CSMD3: variants seen among roughly 807,000 people sequenced by gnomAD.
The protein encoded by CSMD3 is CUB and sushi domain-containing protein 3.
In CSMD3, 177 loss-of-function variants were observed where a neutral mutation model predicts 435.2. The observed-to-expected ratio is 0.41, with a 90% confidence interval of 0.36 to 0.46. The LOEUF (loss-of-function observed/expected upper bound fraction) is 0.46, where lower values mean the gene tolerates loss of function less well. Among genes scored for constraint, CSMD3 ranks in the 20% least tolerant of loss-of-function variants. The pLI, the probability that CSMD3 is intolerant of heterozygous loss-of-function variation, is 0.34. For synonymous variants in CSMD3, 1,656 were observed against 1,520.5 expected (o/e 1.09, Z -2.07); for missense variants, 4,265 against 4,504.6 (o/e 0.95, Z 1.52).
intron 5 of CSMD3, among the ~76,000 whole-genome samples, chr8:113,063,753 A>G (rs1476267273): frequency 6.6e-6 from 1 of 151,962 alleles, no homozygotes; most frequent in Non-Finnish European, 1.5e-5. Flanking sequence ...TATCCTATCT[A>G]CTTCAGGTGT....
intron 38 of CSMD3, among the ~76,000 whole-genome samples, chr8:112,370,071 A>AGAAGAAGAAGAAGAAGAG (rs1828223507): frequency 6.6e-6 from 1 of 151,372 alleles, no homozygotes; most frequent in Non-Finnish European, 1.5e-5. Context: ...AAGAAGAAGA[A>AGAAGAAGAAGAAGAAGAG]GAAGAAGAAG....
chr8:113,353,380 T>A (rs1442511992), intron 1 of CSMD3, among the ~76,000 whole-genome samples: 1 of 152,160 alleles, frequency 6.6e-6, no homozygotes, highest in Non-Finnish European at 1.5e-5. Context: ...TAAAGGATTT[T>A]TGTACTAAAT....
At chr8:113,262,968 C>T (rs932607559) in intron 3 of CSMD3, among the ~76,000 whole-genome samples, 1 of 151,908 alleles carries the variant, frequency 6.6e-6, no homozygotes, top group African/African-American at 2.4e-5. Context: ...GTTTGTTATG[C>T]AGCAATATAA....
At chr8:112,478,220 G>A (rs989407449) in intron 31 of CSMD3, among the ~76,000 whole-genome samples, 3 of 152,210 alleles carry the variant, frequency 2.0e-5, no homozygotes, top group Middle Eastern at 3.4e-3. Flanking sequence ...GTGTGAAAAC[G>A]GGCTAATACA....
At chr8:113,178,518 A>G (rs1454637915) in intron 3 of CSMD3, among the ~76,000 whole-genome samples, 4 of 151,910 alleles carry the variant, frequency 2.6e-5, no homozygotes, top group Non-Finnish European at 5.9e-5. Flanking sequence ...AATTTACAGA[A>G]TACTAATTGT....
intron 9 of CSMD3, among the ~76,000 whole-genome samples, chr8:112,936,809 TATAA>T (rs1274614224): frequency 1.3e-5 from 2 of 152,166 alleles, no homozygotes; most frequent in Non-Finnish European, 2.9e-5. Flanking sequence ...TTGGCTTATC[TATAA>T]ATATTTGTAT....
rs1344168694 is a variant in CSMD3 at position 113,030,442 on chromosome 8, A to T, written c.918-11263T>A. Among the ~76,000 whole-genome samples, 465 of 149,614 alleles carry T rather than the reference A, an allele frequency of 3.1e-3. 4 individuals are homozygous for T. The highest frequency in any genetic ancestry group is 0.01 in the African/African-American group (432 of 41,182). On this transcript the variant is annotated intron_variant, in intron 5 of 70. Transcript: ENST00000297405. The stretch of plus-strand genomic sequence containing the variant: ...TAAAAAAAAAAAAAAAAAAAAAAAA[A>T]AAAGATAAGCATGTAGGCCAATGGA...
At chr8:112,615,500 G>A (rs1833597602) in intron 22 of CSMD3, among the ~76,000 whole-genome samples, 1 of 151,922 alleles carries the variant, frequency 6.6e-6, no homozygotes, top group East Asian at 1.9e-4. Context: ...GTACCTAGAA[G>A]CATGCAGAAA....
chr8:113,083,445 C>T (rs542209462), intron 5 of CSMD3, among the ~76,000 whole-genome samples: 8 of 152,014 alleles, frequency 5.3e-5, no homozygotes, highest in African/African-American at 1.7e-4. Flanking sequence ...GAAATATGGT[C>T]TTTCCCAAGC....
In CSMD3 at chr8:113,314,622, T is replaced by A. The variant is rs780379790; in HGVS notation, c.350A>T (p.Asp117Val). The stretch of plus-strand genomic sequence containing the variant: ...ATGTCCATCATATAATGATAAGTAG[T>A]CGTATTCTTCTTCTAGAGCAAATGA... ...FQSFALEEEY[D>V]YLSLYDGHPH... Residue 117 changes from aspartate (D) to valine (V), a missense_variant, in exon 2 of 71, where the codon GAC (aspartate) becomes GTC (valine). By Grantham distance (152) the Asp-to-Val change is radical. Around this residue, in one of 3 missense-constraint regions of CSMD3, gnomAD observed 731 missense variants for 755.4 expected, o/e 0.97. Coordinates refer to ENST00000297405, the MANE Select transcript of CSMD3 (RefSeq NM_198123.2). The A allele has an allele frequency of 6.2e-7, 1 of 1,610,664 alleles. No individual in the cohort carries two copies. Among genetic ancestry groups the A allele is most frequent in the Admixed American group, 1.7e-5 (1 of 60,010 alleles).
chr8:112,476,001 T>C (rs534865741), intron 31 of CSMD3, among the ~76,000 whole-genome samples: 20 of 152,328 alleles, frequency 1.3e-4, no homozygotes, highest in Middle Eastern at 3.4e-3. Context: ...CTCCTGATTA[T>C]AACTTATGTA....
chr8:113,246,783 G>A (rs1217447977), intron 3 of CSMD3, among the ~76,000 whole-genome samples: 2 of 152,146 alleles, frequency 1.3e-5, no homozygotes, highest in African/African-American at 4.8e-5. Context: ...AATTCTAAAA[G>A]TCACTCTTCC....
chr8:113,053,674 A>G (rs1313397754), intron 5 of CSMD3, among the ~76,000 whole-genome samples: 1 of 152,046 alleles, frequency 6.6e-6, no homozygotes, highest in Non-Finnish European at 1.5e-5. Flanking sequence ...GGCTATTACT[A>G]TATGCACTGT....
chr8:113,314,195 T>A (rs2093892227), intron 2 of CSMD3: 1 of 185,712 alleles, frequency 5.4e-6, no homozygotes, highest in South Asian at 1.1e-4. Flanking sequence ...CATAGTGTTG[T>A]ATATTAAAAT....
intron 35 of CSMD3, among the ~76,000 whole-genome samples, chr8:112,394,611 C>T (rs1206421424): frequency 6.6e-6 from 1 of 152,122 alleles, no homozygotes; most frequent in South Asian, 2.1e-4. Context: ...ACAGTCCATA[C>T]ACTTGCTCAC....
At chr8:113,358,307 G>A (rs67276936) in intron 1 of CSMD3, among the ~76,000 whole-genome samples, 14,985 of 152,274 alleles carry the variant, frequency 0.098, 855 homozygotes, top group Middle Eastern at 0.16. Context: ...GCAGAATCAA[G>A]TGAAAATGCA....
At chr8:112,957,805 G>A (rs879348219) in intron 7 of CSMD3, among the ~76,000 whole-genome samples, 6 of 152,208 alleles carry the variant, frequency 3.9e-5, no homozygotes, top group African/African-American at 4.8e-5. Flanking sequence ...GAGAGCAGTG[G>A]CGTGATCTCG....
chr8:112,468,441 A>C (rs1818192099), intron 32 of CSMD3, among the ~76,000 whole-genome samples: 1 of 151,932 alleles, frequency 6.6e-6, no homozygotes, highest in Non-Finnish European at 1.5e-5. Context: ...CTCAGCCAGG[A>C]TTGTTAAAAT....
chr8:112,789,083 A>C (rs758147185), intron 13 of CSMD3, among the ~76,000 whole-genome samples: 7 of 152,106 alleles, frequency 4.6e-5, no homozygotes, highest in Non-Finnish European at 1.0e-4. Context: ...TTTGTTTTTT[A>C]ATAAAAATTA....
Sources: allele counts gnomAD v4.1 joint callset (sites outside exome capture counted in the v4.1 genomes callset), GRCh38; gene constraint gnomAD v4.1.1; regional missense constraint gnomAD v4.1.1; transcripts MANE v1.5; gene names NCBI Gene and HGNC (gene_info 2026-07-23, HGNC 2026-07-21).